The following MBNL2 variants were observed in gnomAD, a reference collection of about 807,000 sequenced individuals.
MBNL2 encodes the protein muscleblind-like protein 2.
A neutral mutation model predicts 41.9 loss-of-function variants in MBNL2; 17 were observed. The ratio of observed to expected loss-of-function variants is 0.41; its 90% CI spans 0.28 to 0.61. The LOEUF is 0.61. Ranked by LOEUF, MBNL2 falls within the 20% of genes least tolerant of loss-of-function variation. MBNL2 has a pLI of 0.35. For missense variants in MBNL2, 336 were observed against 505.6 expected, an observed-to-expected ratio of 0.66 and a Z score of 3.22; for synonymous variants, 195 against 182.9, an observed-to-expected ratio of 1.07 and a Z score of -0.53.
intron 1 of MBNL2, among the ~76,000 whole-genome samples, chr13:97,230,527 A>G (rs991930246): frequency 6.6e-6 from 1 of 152,228 alleles, no homozygotes; most frequent in Non-Finnish European, 1.5e-5. Context: ...AGTTGAAGCC[A>G]TTGGTGCTCA....
chr13:97,144,963 C>G, the MBNL2 span, among the ~76,000 whole-genome samples: 5 of 152,206 alleles, frequency 3.3e-5, no homozygotes, highest in South Asian at 4.1e-4. Context: ...ACCCTCTAAA[C>G]TTACAGGCAC....
chr13:97,243,860 C>T (rs964118949), intron 1 of MBNL2, among the ~76,000 whole-genome samples: 1 of 152,054 alleles, frequency 6.6e-6, no homozygotes, highest in Non-Finnish European at 1.5e-5. Context: ...TTTTATCCTC[C>T]GGCATGGATC....
the MBNL2 span, among the ~76,000 whole-genome samples, chr13:97,192,907 C>T: frequency 1.6e-4 from 25 of 152,272 alleles, no homozygotes; most frequent in African/African-American, 5.5e-4. Context: ...AGGAAGCCAG[C>T]GGGTGAAAAA....
chr13:97,307,389 T>C (rs2058219922), intron 2 of MBNL2, among the ~76,000 whole-genome samples: 1 of 151,980 alleles, frequency 6.6e-6, no homozygotes, highest in Admixed American at 6.6e-5. Flanking sequence ...CTTCTACACA[T>C]TTTATGGAAA....
At chr13:97,154,792 AGGAT>A in the MBNL2 span, among the ~76,000 whole-genome samples, 1,260 of 146,280 alleles carry the variant, frequency 8.6e-3, 11 homozygotes, top group East Asian at 0.049. Flanking sequence ...AAATGGTATA[AGGAT>A]GGATGGATGG....
chr13:97,210,422 T>C, the MBNL2 span, among the ~76,000 whole-genome samples: 11 of 152,170 alleles, frequency 7.2e-5, no homozygotes, highest in African/African-American at 2.4e-4. Context: ...GCATAGCTTG[T>C]GGTTTTGAAA....
chr13:97,198,111 A>G, the MBNL2 span, among the ~76,000 whole-genome samples: 1 of 152,108 alleles, frequency 6.6e-6, no homozygotes, highest in South Asian at 2.1e-4. Context: ...GAGGGTGTTT[A>G]TTGGTGATAT....
In MBNL2 at chr13:97,271,390, G is replaced by A. The variant is rs573993485; in HGVS notation, c.-604-4242G>A. Among the ~76,000 whole-genome samples, 271 of 151,644 alleles carry A rather than the reference G, an allele frequency of 1.8e-3. 2 individuals are homozygous for A. Among genetic ancestry groups the A allele is most frequent in the African/African-American group, 6.3e-3 (262 of 41,346 alleles). ...CCCAAAGTGCTAGGATGACAGGCGT[G>A]AGCCACTGCACCCAGCCTACTCCAC... On this transcript the variant is annotated intron_variant, in intron 1 of 8. Transcript: ENST00000679496.
At chr13:97,185,127 A>C in the MBNL2 span, among the ~76,000 whole-genome samples, 1 of 152,098 alleles carries the variant, frequency 6.6e-6, no homozygotes, top group African/African-American at 2.4e-5. Flanking sequence ...ACCTTAAGTT[A>C]TGATGATATT....
rs143623108 is a variant in MBNL2, at chr13:97,352,314, T to C, written c.805-4482T>C. ...TTTCGACATGCCTTCCTCACTAAGCTTAATCATTTCTAGCTTTTGATTTTA... is the reference window on the plus strand; with the variant it reads ...TTTCGACATGCCTTCCTCACTAAGCCTAATCATTTCTAGCTTTTGATTTTA... On this transcript the variant is annotated intron_variant, in intron 5 of 8. Transcript: ENST00000679496. 6.2e-3 allele frequency among the ~76,000 whole-genome samples: 948 copies of C among 152,332 alleles called. 12 individuals are homozygous for C. The highest frequency in any genetic ancestry group is 0.022 in the African/African-American group (905 of 41,580).
At chr13:97,261,581 G>A (rs1023430630) in intron 1 of MBNL2, among the ~76,000 whole-genome samples, 2 of 152,092 alleles carry the variant, frequency 1.3e-5, no homozygotes, top group African/African-American at 4.8e-5. Context: ...ATAAATTAAC[G>A]CTCTTTCGCT....
intron 8 of MBNL2, among the ~76,000 whole-genome samples, chr13:97,381,708 G>C (rs756888341): frequency 1.3e-5 from 2 of 151,514 alleles, no homozygotes; most frequent in Non-Finnish European, 2.9e-5. Context: ...TTTCACTCCT[G>C]AGTTGCCAGT....
Position 97,251,385 on chromosome 13 carries a change from C to T in MBNL2, c.-604-24247C>T, listed in dbSNP as rs182353108. Among the ~76,000 whole-genome samples the T allele has an allele frequency of 2.0e-3, 303 of 151,960 alleles. 1 individual carries two copies. Among genetic ancestry groups the T allele is most frequent in the African/African-American group, 6.1e-3 (254 of 41,430 alleles). On this transcript the variant is annotated intron_variant, in intron 1 of 8. Transcript: ENST00000679496. ...TCATGTACCCCATAAATAGATACAC[C>T]TACTATGTACCCACAAAAATTAAAA...
intron 2 of MBNL2, among the ~76,000 whole-genome samples, chr13:97,331,358 T>C (rs2060422511): frequency 1.3e-5 from 2 of 152,146 alleles, no homozygotes; most frequent in African/African-American, 2.4e-5. Context: ...AGCCAAGTTA[T>C]GAGACCAGAA....
chr13:97,287,935 T>C (rs1317156541), intron 2 of MBNL2, among the ~76,000 whole-genome samples: 2 of 78,986 alleles, frequency 2.5e-5, no homozygotes, highest in African/African-American at 4.0e-5. Context: ...TTTTGTTTTG[T>C]TTTGTTTTTT....
At chr13:97,303,771 T>C (rs1387616914) in intron 2 of MBNL2, among the ~76,000 whole-genome samples, 1 of 152,214 alleles carries the variant, frequency 6.6e-6, no homozygotes, top group Non-Finnish European at 1.5e-5. Context: ...ATAATAATAA[T>C]GTAGACTATC....
the MBNL2 span, among the ~76,000 whole-genome samples, chr13:97,186,667 A>G: frequency 6.6e-6 from 1 of 152,224 alleles, no homozygotes; most frequent in Non-Finnish European, 1.5e-5. Flanking sequence ...GGGATCTGCC[A>G]TCTCCAACTA....
the MBNL2 span, among the ~76,000 whole-genome samples, chr13:97,145,735 G>T: frequency 1.6e-3 from 251 of 152,282 alleles, 6 homozygotes; most frequent in Admixed American, 0.016. Flanking sequence ...ATAATAGTTT[G>T]TTGCAGAAAA....
rs55745808 is a variant in MBNL2, at chr13:97,363,418, CTGTGTGTGTGTGTGTGTGTGTGTG to C, written c.1013-1695_1013-1672del. Among the ~76,000 whole-genome samples the C allele has an allele frequency of 5.9e-5, 8 of 136,644 alleles. 1 individual carries two copies. The highest frequency in any genetic ancestry group is 8.5e-5 in the African/African-American group (3 of 35,276). The allele number at this position is 136,644 out of a possible 152,430, so 89.6% of individuals were successfully genotyped here. Reference sequence around the variant, plus strand: ...CAAAGGGAGTTGCCAGAAAGAAAAACTGTGTGTGTGTGTGTGTGTGTGTGTGTGTGTGTGTGTGTGTGTGTGATC... The same window carrying C: ...CAAAGGGAGTTGCCAGAAAGAAAAACTGTGTGTGTGTGTGTGTGTGTGATC... On this transcript the variant is annotated intron_variant, in intron 7 of 8. Coordinates refer to ENST00000679496, the MANE Select transcript of MBNL2 (RefSeq NM_001382683.1).
Sources: allele counts gnomAD v4.1 joint callset (sites outside exome capture counted in the v4.1 genomes callset), GRCh38; gene constraint gnomAD v4.1.1; transcripts MANE v1.5; gene names NCBI Gene and HGNC (gene_info 2026-07-23, HGNC 2026-07-21).